The following CRTAC1 variants were observed in gnomAD, a reference collection of about 807,000 sequenced individuals.
The protein encoded by CRTAC1 is acidic secreted protein in cartilage.
A neutral mutation model predicts 67.8 loss-of-function variants in CRTAC1; 37 were observed. The ratio of observed to expected loss-of-function variants is 0.55; its 90% CI spans 0.42 to 0.72. The LOEUF is 0.72. Ranked by LOEUF, CRTAC1 falls within the 30% of genes least tolerant of loss-of-function variation. CRTAC1 has a pLI of 0.00. For missense variants in CRTAC1, 780 were observed against 931.6 expected, an observed-to-expected ratio of 0.84 and a Z score of 2.12; for synonymous variants, 348 against 371.0, an observed-to-expected ratio of 0.94 and a Z score of 0.71.
intron 3 of CRTAC1, among the ~76,000 whole-genome samples, chr10:97,927,481 AC>A (rs2136602490): frequency 6.6e-6 from 1 of 152,292 alleles, no homozygotes; most frequent in Non-Finnish European, 1.5e-5. Context: ...ACCCTGCGTA[AC>A]TGGTGCTGTC....
intron 1 of CRTAC1, among the ~76,000 whole-genome samples, chr10:98,017,922 C>G (rs1305107412): frequency 6.6e-6 from 1 of 151,796 alleles, no homozygotes; most frequent in African/African-American, 2.4e-5. Flanking sequence ...AGAGGCCAGG[C>G]ATGGTGGCTC....
intron 3 of CRTAC1, among the ~76,000 whole-genome samples, chr10:97,930,703 C>T (rs2050990531): frequency 6.6e-6 from 1 of 152,142 alleles, no homozygotes; most frequent in African/African-American, 2.4e-5. Context: ...CAGTCAGCTC[C>T]TCTGCTGTGA....
At chr10:98,008,626 T>A (rs1431313993) in intron 2 of CRTAC1, among the ~76,000 whole-genome samples, 1 of 152,136 alleles carries the variant, frequency 6.6e-6, no homozygotes, top group African/African-American at 2.4e-5. Context: ...TGCTCTGCAA[T>A]CTGGCTAGCT....
chr10:97,989,408 G>T (rs886866866), intron 2 of CRTAC1, among the ~76,000 whole-genome samples: 2 of 152,122 alleles, frequency 1.3e-5, no homozygotes, highest in Non-Finnish European at 2.9e-5. Flanking sequence ...TACACAAACT[G>T]CCTACTACAT....
In CRTAC1 at chr10:97,880,279, C is replaced by G. The variant is rs564565150; in HGVS notation, c.1789G>C (p.Glu597Gln). ...RTNKKCSRGY[E>Q]PNEDGTACVG... ...CAGGCTGTGCCATCCTCGTTGGGCT[C>G]GTAGCCCCGACTGCACTTCTTGTTG... Residue 597 changes from glutamate (E) to glutamine (Q), a missense_variant, in exon 14 of 15, where the codon GAG becomes CAG. By Grantham distance (29) the Glu-to-Gln change is conservative (BLOSUM62 2). Transcript: ENST00000370597. The G allele has an allele frequency of 6.2e-7, 1 of 1,614,182 alleles. No individual in the cohort carries two copies. The highest frequency in any genetic ancestry group is 8.5e-7 in the Non-Finnish European group (1 of 1,180,026).
intron 2 of CRTAC1, among the ~76,000 whole-genome samples, chr10:97,971,643 G>A (rs2051714593): frequency 6.6e-6 from 1 of 152,168 alleles, no homozygotes; most frequent in Non-Finnish European, 1.5e-5. Context: ...TCTTAAAGAT[G>A]GTTAAGAAAG....
intron 14 of CRTAC1, chr10:97,866,678 G>C (rs1476464107): frequency 6.6e-6 from 1 of 152,352 alleles, no homozygotes; most frequent in South Asian, 2.1e-4. Flanking sequence ...AAGCACACCT[G>C]TGTGTGTCTG....
intron 8 of CRTAC1, among the ~76,000 whole-genome samples, chr10:97,897,901 C>T (rs1053742988): frequency 6.6e-6 from 1 of 152,176 alleles, no homozygotes; most frequent in Non-Finnish European, 1.5e-5. Context: ...GTGAGAAACA[C>T]CAGAGGGCCG....
Position 97,879,515 on chromosome 10 carries a change from G to A in CRTAC1, c.1819+734C>T, listed in dbSNP as rs190681270. ...TTCACAAACAACTAAGGTTGTGTCA[G>A]TATCGCCCAACCTTCCCTTTTCAAA... On this transcript the variant is annotated intron_variant, in intron 14 of 14. Transcript: ENST00000370597. The A allele has an allele frequency of 1.6e-4, 123 of 755,388 alleles. No individual in the cohort carries two copies. In the African/African-American group the frequency reaches 2.0e-3, roughly 12 times the overall value. The allele number at this position is 755,388 out of a possible 1,614,324, so 46.8% of individuals were successfully genotyped here.
At chr10:97,888,175 G>A (rs2050314234) in intron 11 of CRTAC1, among the ~76,000 whole-genome samples, 1 of 152,208 alleles carries the variant, frequency 6.6e-6, no homozygotes, top group African/African-American at 2.4e-5. Context: ...ATTCAACAGA[G>A]AATGAGACAG....
At position 97,986,141 on chromosome 10, in the gene CRTAC1, T is replaced by A. The variant is rs116070013; in HGVS notation, c.224+24997A>T. On this transcript the variant is annotated intron_variant, in intron 2 of 14. Coordinates refer to ENST00000370597, the MANE Select transcript of CRTAC1 (RefSeq NM_018058.7). ...GGCTGTGTCTCAGATGGCCCAGGAC[T>A]GGGAGGGAGGCCGCTTGGGGATGAA... Among the ~76,000 whole-genome samples, 462 of 152,288 alleles carry A rather than the reference T, an allele frequency of 3.0e-3. 1 individual carries two copies. Among genetic ancestry groups the A allele is most frequent in the African/African-American group, 0.01 (433 of 41,566 alleles).
intron 5 of CRTAC1, among the ~76,000 whole-genome samples, chr10:97,916,066 C>A (rs930165304): frequency 6.6e-6 from 1 of 152,100 alleles, no homozygotes; most frequent in Non-Finnish European, 1.5e-5. Flanking sequence ...AACCCAGCCG[C>A]AACCTCCAGA....
intron 14 of CRTAC1, among the ~76,000 whole-genome samples, chr10:97,874,193 C>T (rs1410816469): frequency 6.6e-6 from 1 of 152,094 alleles, no homozygotes; most frequent in East Asian, 1.9e-4. Flanking sequence ...CCTTTTTGGG[C>T]CTTGGTTTCC....
In CRTAC1 at chr10:97,895,219, C is replaced by T; in HGVS notation, c.1486+26G>A. 6.2e-7 allele frequency: 1 copy of T among 1,601,418 alleles called. No homozygotes were observed. Among genetic ancestry groups the T allele is most frequent in the African/African-American group, 1.3e-5 (1 of 74,972 alleles). Reference sequence around the variant, plus strand: ...CAGTCAGCATCCTGATAACAGCTCACTGTCCCCCACCGGACCCCGACTCAC... The same window carrying T: ...CAGTCAGCATCCTGATAACAGCTCATTGTCCCCCACCGGACCCCGACTCAC... On this transcript the variant is annotated intron_variant, in intron 11 of 14. Coordinates refer to ENST00000370597, the MANE Select transcript of CRTAC1 (RefSeq NM_018058.7). The surrounding 1 kb of genome is among the most constrained non-coding windows in gnomAD (Gnocchi z 4.2).
intron 14 of CRTAC1, chr10:97,879,700 G>A: frequency 6.5e-7 from 1 of 1,549,662 alleles, no homozygotes. Context: ...GCATATAACT[G>A]AAGGCAAAGT....
At chr10:97,957,828 G>C (rs1410172188) in intron 2 of CRTAC1, among the ~76,000 whole-genome samples, 1 of 152,178 alleles carries the variant, frequency 6.6e-6, no homozygotes, top group Admixed American at 6.5e-5. Context: ...ACACCGAATG[G>C]GGAGTTGGGG....
intron 6 of CRTAC1, 22 bp downstream of exon 6, chr10:97,907,991 G>A (rs1223981724): frequency 6.2e-7 from 1 of 1,613,336 alleles, no homozygotes; most frequent in East Asian, 2.2e-5. Context: ...AGGGTGCACA[G>A]GGCATGGCTG....
chr10:97,918,272 A>G (rs996002161), intron 4 of CRTAC1, among the ~76,000 whole-genome samples: 12 of 152,300 alleles, frequency 7.9e-5, no homozygotes, highest in Admixed American at 7.8e-4. Flanking sequence ...TGTCTTTATA[A>G]CACTGTCTCA....
chr10:97,928,278 G>A (rs2050952131), intron 3 of CRTAC1, among the ~76,000 whole-genome samples: 1 of 152,184 alleles, frequency 6.6e-6, no homozygotes, highest in African/African-American at 2.4e-5. Context: ...TGAGGCTCAG[G>A]TGCCCACCAT....
Sources: gnomAD v4.1 joint callset for allele counts (sites outside exome capture counted in the v4.1 genomes callset) on GRCh38, gnomAD v4.1.1 for gene constraint, Gnocchi (gnomAD v3.1) non-coding constraint, MANE v1.5 for transcripts, NCBI Gene and HGNC (gene_info 2026-07-23, HGNC 2026-07-21) for gene names.